Variants in DDX46 observed in about 807,000 individuals in gnomAD.
DDX46 encodes the protein probable ATP-dependent RNA helicase DDX46.
DDX46 carries 30 observed loss-of-function variants against 134.9 expected under a neutral mutation model. The ratio of observed to expected loss-of-function variants is 0.22; its 90% CI spans 0.17 to 0.30. DDX46 has a LOEUF of 0.30. DDX46 is among the 10% of genes least tolerant of loss of function. The pLI, the probability that DDX46 is intolerant of heterozygous loss-of-function variation, is 1.00. For missense variants in DDX46, 622 were observed against 1,248.7 expected, an observed-to-expected ratio of 0.50 and a Z score of 7.56; for synonymous variants, 415 against 404.1, an observed-to-expected ratio of 1.03 and a Z score of -0.32.
intron 21 of DDX46, among the ~76,000 whole-genome samples, chr5:134,819,982 C>T (rs1399283175): frequency 6.6e-6 from 1 of 152,082 alleles, no homozygotes; most frequent in East Asian, 1.9e-4. Context: ...AGTGCAATAG[C>T]GCGATCTTGA....
At chr5:134,814,730 C>T (rs1053918315) in intron 18 of DDX46, among the ~76,000 whole-genome samples, 2 of 152,194 alleles carry the variant, frequency 1.3e-5, no homozygotes, top group African/African-American at 4.8e-5. Flanking sequence ...GATTCCCCAC[C>T]TCAGCCTTCT....
chr5:134,764,092 G>A lies in DDX46; in HGVS notation c.206G>A (p.Arg69Lys). The A allele has an allele frequency of 6.3e-7, 1 of 1,595,146 alleles. No homozygotes were observed. Among genetic ancestry groups the A allele is most frequent in the Non-Finnish European group, 8.5e-7 (1 of 1,171,058 alleles). Reference sequence around the variant, plus strand: ...CGGTCAAGGGACAGGAAGCGTCTGAGGTAAGACATTAATTAATTTCCAAAA... The same window carrying A: ...CGGTCAAGGGACAGGAAGCGTCTGAAGTAAGACATTAATTAATTTCCAAAA... ...RSRSRDRKRL[R>K]RSRSRERDRS... is the part of the protein sequence containing the mutation. The change falls in exon 2 of 23, where the codon AGA (arginine) becomes AAA (lysine). Residue 69 changes from arginine to lysine, a missense_variant and splice_region_variant. Arg to Lys is a conservative substitution (Grantham distance 26). Transcript: ENST00000452510.
chr5:134,773,684 T>C lies in DDX46; in HGVS notation c.448-12T>C. On this transcript the variant is annotated splice_polypyrimidine_tract_variant and intron_variant, in intron 4 of 22. Transcript: ENST00000452510. ...TTTTCCCCCATCTCTTTCTTTCTTT[T>C]ATTCCCCCAAGAACTTTGACCAGAA... The C allele has an allele frequency of 6.4e-7, 1 of 1,564,010 alleles. No homozygotes were observed.
In DDX46 at chr5:134,826,928, C is replaced by A. The variant is rs970336667; in HGVS notation, c.2978-19C>A. ...TAAGTTTAGTAATTTGAATAATATG[C>A]TTTCCACTCAATCACTAGGTGCCAA... On this transcript the variant is annotated intron_variant, in intron 21 of 22. Transcript: ENST00000452510. 3 of 1,609,358 alleles carry A rather than the reference C, an allele frequency of 1.9e-6. No individual in the cohort carries two copies. Among genetic ancestry groups the A allele is most frequent in the Admixed American group, 3.4e-5 (2 of 59,052 alleles).
intron 14 of DDX46, 86 bp downstream of exon 14, chr5:134,795,100 G>A (rs1754610520): frequency 6.7e-7 from 1 of 1,501,342 alleles, no homozygotes; most frequent in African/African-American, 1.4e-5. Context: ...TTGTGAGGTA[G>A]GCAAGGTAAT....
chr5:134,811,472 T>G, intron 17 of DDX46, 114 bp downstream of exon 17: 1 of 1,387,576 alleles, frequency 7.2e-7, no homozygotes, highest in South Asian at 1.5e-5. Flanking sequence ...ACGACTATTT[T>G]TATTTCTCTC....
Position 134,804,680 on chromosome 5 carries a change from G to A in DDX46, c.1955-3068G>A, listed in dbSNP as rs58432394. 1,337 of 203,546 alleles carry A rather than the reference G, an allele frequency of 6.6e-3. 19 individuals carry two copies. The highest frequency in any genetic ancestry group is 0.028 in the African/African-American group (1,196 of 43,068). The allele number at this position is 203,546 out of a possible 1,614,324, so 12.6% of individuals were successfully genotyped here. A position where few individuals can be genotyped will look rare whatever the true frequency, so the allele number is the denominator to read the frequency against. ...TCTTAATAAATTATTTTATTGTTCCGGAAAAGTCATTTTTCACAAAAATAT... is the reference window on the plus strand; with the variant it reads ...TCTTAATAAATTATTTTATTGTTCCAGAAAAGTCATTTTTCACAAAAATAT... On this transcript the variant is annotated intron_variant, in intron 15 of 22. Transcript: ENST00000452510.
At chr5:134,761,497 C>T (rs905019888) in intron 1 of DDX46, among the ~76,000 whole-genome samples, 1 of 152,210 alleles carries the variant, frequency 6.6e-6, no homozygotes, top group South Asian at 2.1e-4. Flanking sequence ...TAATCAGGTG[C>T]ATTCATCTCC....
At chr5:134,801,853 A>G (rs1754838612) in intron 15 of DDX46, among the ~76,000 whole-genome samples, 1 of 152,002 alleles carries the variant, frequency 6.6e-6, no homozygotes, top group East Asian at 1.9e-4. Context: ...TTTTGTGTGA[A>G]TGTCAGCTTT....
intron 13 of DDX46, among the ~76,000 whole-genome samples, chr5:134,791,113 C>T (rs13154718): frequency 0.017 from 2,517 of 152,360 alleles, 64 homozygotes; most frequent in Non-Finnish European, 0.023. Context: ...CCACTGTGCC[C>T]GGCCCATTGT....
At chr5:134,770,439 C>T (rs1057116897) in intron 3 of DDX46, among the ~76,000 whole-genome samples, 5 of 151,984 alleles carry the variant, frequency 3.3e-5, no homozygotes, top group Non-Finnish European at 7.4e-5. Flanking sequence ...CTCTTTAACT[C>T]CTGTTTTCAA....
intron 21 of DDX46, among the ~76,000 whole-genome samples, chr5:134,822,708 T>C (rs757138818): frequency 6.6e-6 from 1 of 152,106 alleles, no homozygotes; most frequent in Non-Finnish European, 1.5e-5. Flanking sequence ...CCCATTTAGC[T>C]GGGACCACAG....
chr5:134,805,518 A>C (rs1322181752), intron 15 of DDX46, among the ~76,000 whole-genome samples: 1 of 148,738 alleles, frequency 6.7e-6, no homozygotes, highest in Non-Finnish European at 1.5e-5. Flanking sequence ...CTCAGTTCTG[A>C]TTTCTTTTCT....
chr5:134,773,556 C>T, intron 4 of DDX46, 140 bp from the exon 5 acceptor site: 1 of 807,998 alleles, frequency 1.2e-6, no homozygotes, highest in Non-Finnish European at 1.8e-6. Flanking sequence ...TAAGTCTACC[C>T]TGAGGGGTTT....
rs1467872618 is a variant in DDX46 at position 134,783,015 on chromosome 5, A to T, written c.1116A>T (p.Lys372Asn). 10 of 1,613,694 alleles carry T rather than the reference A, an allele frequency of 6.2e-6. No homozygotes were observed. In the Admixed American group the frequency reaches 1.3e-4, roughly 22 times the overall value. The change falls in exon 9 of 23, where the codon AAA (lysine) becomes AAT (asparagine). Residue 372 changes from lysine (K) to asparagine (N), a missense_variant. Around this residue, in one of 8 missense-constraint regions of DDX46, gnomAD observed 63 missense variants for 84.0 expected, o/e 0.75. Transcript: ENST00000452510. The part of the protein sequence containing the change: ...VKGKGCPKPI[K>N]SWVQCGISMK... ...GAAAAGGTTGCCCCAAACCAATTAA[A>T]TCCTGGGTCCAGTGTGGAATTTCCA... is the stretch of plus-strand genomic sequence containing the variant.
At position 134,830,378 on chromosome 5, in the gene DDX46, A is replaced by G. The variant is rs1166531582; in HGVS notation, c.*1672A>G. 6 of 152,124 alleles carry G rather than the reference A, an allele frequency of 3.9e-5. No individual in the cohort carries two copies. The highest frequency in any genetic ancestry group is 1.4e-4 in the African/African-American group (6 of 41,420). The allele number at this position is 152,124 out of a possible 1,614,324, so 9.4% of individuals were successfully genotyped here. ...ATATAAGAGGCTTGAACATCCATGG[A>G]TTTTGGTATAGAGGAGGGGTTTAAG... On this transcript the variant is annotated 3_prime_UTR_variant, in exon 23 of 23. Coordinates refer to ENST00000452510, the MANE Select transcript of DDX46 (RefSeq NM_001300860.2).
At chr5:134,799,096 G>A (rs1389432314) in intron 15 of DDX46, among the ~76,000 whole-genome samples, 1 of 152,124 alleles carries the variant, frequency 6.6e-6, no homozygotes, top group Admixed American at 6.6e-5. Context: ...AGGGACTTGA[G>A]CATCCTAGGA....
chr5:134,822,694 G>A (rs895770151), intron 21 of DDX46, among the ~76,000 whole-genome samples: 1 of 151,968 alleles, frequency 6.6e-6, no homozygotes, highest in Non-Finnish European at 1.5e-5. Context: ...TCCCACCTCA[G>A]CCCCCCATTT....
intron 15 of DDX46, among the ~76,000 whole-genome samples, chr5:134,802,497 GTT>G (rs761764011): frequency 8.1e-5 from 11 of 135,010 alleles, no homozygotes; most frequent in South Asian, 2.4e-4. Context: ...CAACATTATC[GTT>G]TTTTTTTTTT....
Sources: allele counts gnomAD v4.1 joint callset (sites outside exome capture counted in the v4.1 genomes callset), GRCh38; gene constraint gnomAD v4.1.1; regional missense constraint gnomAD v4.1.1; transcripts MANE v1.5; gene names NCBI Gene and HGNC (gene_info 2026-07-23, HGNC 2026-07-21).